The following SDSL variants were observed in gnomAD, a reference collection of about 807,000 sequenced individuals.
The protein encoded by SDSL is serine dehydratase-like.
In SDSL, 26 loss-of-function variants were observed where a neutral mutation model predicts 27.6. The observed-to-expected ratio is 0.94, with a 90% CI of 0.69 to 1.31. The LOEUF (loss-of-function observed/expected upper bound fraction) is 1.31, where lower values mean the gene tolerates loss of function less well. Among genes scored for constraint, SDSL ranks in the 50% most tolerant of loss-of-function variants. The probability of loss-of-function intolerance (pLI) is 0.00; values close to 1 mark genes in which losing one functional copy is unlikely to be tolerated. For synonymous variants in SDSL, 196 were observed against 180.6 expected, an observed-to-expected ratio of 1.09 and a Z score of -0.69; for missense variants, 431 against 423.5, an observed-to-expected ratio of 1.02 and a Z score of -0.16.
chr12:113,429,049 G>T, intron 3 of SDSL, 111 bp from the exon 4 acceptor site: 1 of 1,290,534 alleles, frequency 7.7e-7, no homozygotes, highest in South Asian at 1.5e-5. Flanking sequence ...GAGTCAATGG[G>T]GCATATGAAT....
intron 5 of SDSL, among the ~76,000 whole-genome samples, chr12:113,434,840 C>T (rs1196606315): frequency 3.9e-5 from 6 of 152,310 alleles, no homozygotes; most frequent in South Asian, 4.1e-4. Flanking sequence ...TGAGGCCAGG[C>T]GCGGTGGCTC....
chr12:113,434,909 G>C (rs1258515324), intron 5 of SDSL, among the ~76,000 whole-genome samples: 1 of 152,242 alleles, frequency 6.6e-6, no homozygotes, highest in Non-Finnish European at 1.5e-5. Context: ...GAGGTCAGGA[G>C]TTCGAGGCCA....
Position 113,429,140 on chromosome 12 carries a change from C to T in SDSL, c.215-20C>T. 6.2e-7 allele frequency: 1 copy of T among 1,605,468 alleles called. No individual in the cohort carries two copies. The highest frequency in any genetic ancestry group is 2.2e-5 in the East Asian group (1 of 44,586). On this transcript the variant is annotated intron_variant, in intron 3 of 7. Transcript: ENST00000403593. Reference sequence around the variant, plus strand: ...GGCCAATCAGCTCTGCCCACTGCCCCTTTCCTCCTTTCTGCACAGGGGGTA... The same window carrying T: ...GGCCAATCAGCTCTGCCCACTGCCCTTTTCCTCCTTTCTGCACAGGGGGTA...
At chr12:113,430,690 C>G (rs1264209275) in intron 4 of SDSL, among the ~76,000 whole-genome samples, 2 of 152,180 alleles carry the variant, frequency 1.3e-5, no homozygotes, top group Admixed American at 6.5e-5. Flanking sequence ...CTGAGACCAA[C>G]ATCAATGGGG....
chr12:113,423,354 A>G (rs1957812721), intron 1 of SDSL, among the ~76,000 whole-genome samples: 1 of 152,228 alleles, frequency 6.6e-6, no homozygotes, highest in African/African-American at 2.4e-5. Context: ...AATTCTGGCT[A>G]TGCTGTTTCT....
In SDSL at chr12:113,432,280, CTT is replaced by C. The variant is rs539921781; in HGVS notation, c.355-1852_355-1851del. ...TCTTTCTTTCTTTCTTTCTTTCTTT[CTT>C]TCTTTCTTTCTCTCTCTCTCTTTCT... On this transcript the variant is annotated intron_variant, in intron 4 of 7. Coordinates refer to ENST00000403593, the MANE Select transcript of SDSL (RefSeq NM_001304993.2). 1.1e-3 allele frequency among the ~76,000 whole-genome samples: 139 copies of C among 129,286 alleles called. 2 individuals carry two copies. Among genetic ancestry groups the C allele is most frequent in the African/African-American group, 3.3e-3 (111 of 33,468 alleles). The allele number at this position is 129,286 out of a possible 152,430, so 84.8% of individuals were successfully genotyped here. A position where few individuals can be genotyped will look rare whatever the true frequency, so the allele number is the denominator to read the frequency against.
chr12:113,426,689 G>C (rs1957855055), intron 1 of SDSL, among the ~76,000 whole-genome samples: 2 of 152,198 alleles, frequency 1.3e-5, no homozygotes, highest in South Asian at 4.1e-4. Context: ...TGTAATCCCA[G>C]CAGTTTGGGA....
chr12:113,438,058 A>G lies in SDSL; in HGVS notation c.969A>G (p.Lys323=). The G allele has an allele frequency of 6.2e-7, 1 of 1,613,944 alleles. No individual in the cohort carries two copies. The highest frequency in any genetic ancestry group is 1.3e-5 in the African/African-American group (1 of 75,020). ...ACAGCCGAGAGCTGCAGGCTTTGAA[A>G]ACCCACCTGGGCCAGGTCTGAGGGG... ...NINSRELQAL[K]THLGQV The change falls in exon 8 of 8, where the codon AAA becomes AAG. Residue 323 remains lysine, a synonymous_variant. Coordinates refer to ENST00000403593, the MANE Select transcript of SDSL (RefSeq NM_001304993.2).
chr12:113,433,576 G>A (rs1957958560), intron 4 of SDSL, among the ~76,000 whole-genome samples: 1 of 152,212 alleles, frequency 6.6e-6, no homozygotes, highest in Admixed American at 6.5e-5. Context: ...GTGTGAATGA[G>A]CAGGGGACCT....
At chr12:113,436,113 C>T (rs1957989395) in intron 6 of SDSL, among the ~76,000 whole-genome samples, 1 of 152,132 alleles carries the variant, frequency 6.6e-6, no homozygotes, top group Non-Finnish European at 1.5e-5. Context: ...GCCTGGGAAA[C>T]TTAGCAAGAC....
In SDSL at chr12:113,429,318, G is replaced by A. The variant is rs1957891102; in HGVS notation, c.354+19G>A. On this transcript the variant is annotated intron_variant, in intron 4 of 7. Transcript: ENST00000403593. ...TGGAAAGGTAAGGGCTCTGGGAAGG[G>A]GAGAACCATCTGGGTGGGCTGCTCT... 1.3e-6 allele frequency: 2 copies of A among 1,595,914 alleles called. No homozygotes were observed. The highest frequency in any genetic ancestry group is 2.2e-5 in the South Asian group (2 of 90,374).
At chr12:113,435,224 A>T in intron 5 of SDSL, 105 bp from the exon 6 acceptor site, 1 of 691,180 alleles carries the variant, frequency 1.4e-6, no homozygotes, top group South Asian at 2.0e-5. Context: ...GTTTATGTAT[A>T]TGAGGGGGCA....
intron 1 of SDSL, 60 bp from the exon 2 acceptor site, chr12:113,427,902 C>G (rs997242520): frequency 1.4e-6 from 2 of 1,476,102 alleles, no homozygotes; most frequent in Non-Finnish European, 1.8e-6. Flanking sequence ...CCCTCCCTGT[C>G]CTGGTTAAGG....
intron 6 of SDSL, among the ~76,000 whole-genome samples, chr12:113,436,271 T>C (rs1037963147): frequency 6.6e-6 from 1 of 152,056 alleles, no homozygotes; most frequent in African/African-American, 2.4e-5. Flanking sequence ...AGATCACATT[T>C]TGAGGTTCTT....
At chr12:113,427,841 A>G (rs1957867551) in intron 1 of SDSL, 121 bp from the exon 2 acceptor site, 1 of 801,284 alleles carries the variant, frequency 1.2e-6, no homozygotes, top group Non-Finnish European at 1.9e-6. Context: ...CTCACAGCTC[A>G]GCAGCTGGAT....
chr12:113,435,605 A>C (rs1249392200), intron 6 of SDSL, 49 bp downstream of exon 6: 1 of 1,521,664 alleles, frequency 6.6e-7, no homozygotes, highest in Non-Finnish European at 9.0e-7. Flanking sequence ...TGGGTGTGCC[A>C]CTGTCCTAGG....
In SDSL at chr12:113,438,203, C is replaced by G; in HGVS notation, c.*124C>G. 4 of 824,230 alleles carry G rather than the reference C, an allele frequency of 4.9e-6. No homozygotes were observed. The highest frequency in any genetic ancestry group is 7.5e-6 in the Non-Finnish European group (4 of 531,458). The allele number at this position is 824,230 out of a possible 1,614,324, so 51.1% of individuals were successfully genotyped here. A position where few individuals can be genotyped will look rare whatever the true frequency, so the allele number is the denominator to read the frequency against. On this transcript the variant is annotated 3_prime_UTR_variant, in exon 8 of 8. Transcript: ENST00000403593. ...CCCTGTGCAACTGTGCTGGCTGCCTCCTGAAGGAAGCCCTCCTGGACTGCT... is the reference window on the plus strand; with the variant it reads ...CCCTGTGCAACTGTGCTGGCTGCCTGCTGAAGGAAGCCCTCCTGGACTGCT...
intron 7 of SDSL, among the ~76,000 whole-genome samples, chr12:113,437,485 T>C (rs1169124982): frequency 6.6e-6 from 1 of 152,012 alleles, no homozygotes; most frequent in Non-Finnish European, 1.5e-5. Flanking sequence ...TGATGAATGG[T>C]ATAGAAATGA....
At chr12:113,425,667 C>T (rs1440310634) in intron 1 of SDSL, 2 of 455,786 alleles carry the variant, frequency 4.4e-6, no homozygotes, top group Non-Finnish European at 8.8e-6. Context: ...TCCTTACCCA[C>T]TGGTCCATTC....
Sources: allele counts gnomAD v4.1 joint callset (sites outside exome capture counted in the v4.1 genomes callset), GRCh38; gene constraint gnomAD v4.1.1; transcripts MANE v1.5; gene names NCBI Gene and HGNC (gene_info 2026-07-23, HGNC 2026-07-21).